The following HOXB3 variants were observed in gnomAD, a reference collection of about 807,000 sequenced individuals.
HOXB3 encodes homeobox protein Hox-B3.
Under a neutral mutation model 29.2 loss-of-function variants are expected in HOXB3, and 17 were observed. That is an observed-to-expected ratio of 0.58 (90% CI 0.40 to 0.87). The LOEUF (loss-of-function observed/expected upper bound fraction) is 0.87. Among genes scored for constraint, HOXB3 ranks in the 40% least tolerant of loss-of-function variants. HOXB3 has a pLI of 0.00. For synonymous variants in HOXB3, 317 were observed against 285.9 expected (o/e 1.11, Z -1.10); for missense variants, 637 against 616.3 (o/e 1.03, Z -0.35).
Position 48,550,799 on chromosome 17 carries a change from G to A in HOXB3, c.831C>T (p.Asn277=), listed in dbSNP as rs1464006754. ...QPMQSTAGFM[N]ALHSMTPSYE... Reference sequence around the variant, plus strand: ...AGCTGGGGGTCATGGAGTGTAAGGCGTTCATGAAGCCGGCCGTGGACTGCA... The same window carrying A: ...AGCTGGGGGTCATGGAGTGTAAGGCATTCATGAAGCCGGCCGTGGACTGCA... The change falls in exon 5 of 5, where the codon AAC becomes AAT. Residue 277 remains asparagine, a synonymous_variant. Transcript: ENST00000498678. The A allele has an allele frequency of 5.0e-6, 8 of 1,613,186 alleles. No individual in the cohort carries two copies. The highest frequency in any genetic ancestry group is 1.3e-5 in the African/African-American group (1 of 74,868).
At chr17:48,577,251 G>A (rs139308383) in intron 1 of HOXB3, among the ~76,000 whole-genome samples, 1 of 152,288 alleles carries the variant, frequency 6.6e-6, no homozygotes, top group African/African-American at 2.4e-5. Flanking sequence ...TGTGTGGTGG[G>A]GAAGGGGGGC....
chr17:48,552,533 C>A lies in HOXB3; in HGVS notation c.-59G>T. On this transcript the variant is annotated 5_prime_UTR_variant, in exon 4 of 5. Transcript: ENST00000498678. ...TGGAAAGGCCTGATACCCTCAGGAC[C>A]GGACATTGGCAACCCTGGGGGTCAC... 1 of 1,363,978 alleles carries A rather than the reference C, an allele frequency of 7.3e-7. No individual in the cohort carries two copies. The highest frequency in any genetic ancestry group is 1.0e-6 in the Non-Finnish European group (1 of 1,001,782). The allele number at this position is 1,363,978 out of a possible 1,614,324, so 84.5% of individuals were successfully genotyped here. A position where few individuals can be genotyped will look rare whatever the true frequency, so the allele number is the denominator to read the frequency against.
chr17:48,564,030 TC>T lies in HOXB3; in HGVS notation c.-246-8413del, dbSNP rs1169933577. On this transcript the variant is annotated intron_variant, in intron 2 of 4. Coordinates refer to ENST00000498678, the MANE Select transcript of HOXB3 (RefSeq NM_001384749.1). ...GCTCCACATTCCTCCACACTCGTCC[TC>T]CACCCCCAGGTCCCTTTACCCCCTT... Among the ~76,000 whole-genome samples, 3 of 150,540 alleles carry T rather than the reference TC, an allele frequency of 2.0e-5. No individual in the cohort carries two copies. In the East Asian group the frequency reaches 5.9e-4, roughly 30 times the overall value.
chr17:48,550,911 C>A lies in HOXB3; in HGVS notation c.719G>T (p.Arg240Leu), dbSNP rs1174990105. ...CTTCTGGTCCTTCTTGTACTTCATG[C>A]GCCGGTTCTGGAACCAGATCTTGAT... ...RQIKIWFQNR[R>L]MKYKKDQKAK... The change falls in exon 5 of 5, where the codon CGC (arginine) becomes CTC (leucine). Residue 240 changes from arginine (R) to leucine (L), a missense_variant. Coordinates refer to ENST00000498678, the MANE Select transcript of HOXB3 (RefSeq NM_001384749.1). 6.2e-7 allele frequency: 1 copy of A among 1,613,948 alleles called. No individual in the cohort carries two copies. The highest frequency in any genetic ancestry group is 8.5e-7 in the Non-Finnish European group (1 of 1,179,938).
intron 2 of HOXB3, among the ~76,000 whole-genome samples, chr17:48,571,086 T>C (rs1185305336): frequency 6.6e-6 from 1 of 152,180 alleles, no homozygotes; most frequent in African/African-American, 2.4e-5. Context: ...AAAATGACCA[T>C]ACTCTTTTCG....
In HOXB3 at chr17:48,551,138, GCCT is replaced by G; in HGVS notation, c.489_491del (p.Gly164del). ...CGCCACCGCCCCCGCTGCCACCACTGCCTCCGCCGCCGCCGCCACCGCCGCCGC... is the reference window on the plus strand; with the variant it reads ...CGCCACCGCCCCCGCTGCCACCACTGCCGCCGCCGCCGCCACCGCCGCCGC... On this transcript the variant is annotated inframe_deletion, in exon 5 of 5. Coordinates refer to ENST00000498678, the MANE Select transcript of HOXB3 (RefSeq NM_001384749.1). 1 of 1,316,460 alleles carries G rather than the reference GCCT, an allele frequency of 7.6e-7. No homozygotes were observed. The highest frequency in any genetic ancestry group is 9.7e-7 in the Non-Finnish European group (1 of 1,034,914). 81.5% of individuals were successfully genotyped at this position (1,316,460 alleles called of 1,614,324 possible).
At chr17:48,579,936 G>A (rs1047278362) in intron 1 of HOXB3, 2 of 516,280 alleles carry the variant, frequency 3.9e-6, no homozygotes, top group Non-Finnish European at 3.9e-6. Flanking sequence ...ATATACAGAA[G>A]ACAGACAGAT....
intron 2 of HOXB3, among the ~76,000 whole-genome samples, chr17:48,560,992 C>T (rs2069173084): frequency 6.6e-6 from 1 of 152,148 alleles, no homozygotes; most frequent in Non-Finnish European, 1.5e-5. Context: ...ACCAGCCTGA[C>T]CAACATGGCG....
chr17:48,589,670 T>C (rs983737104), intron 1 of HOXB3, among the ~76,000 whole-genome samples: 2 of 152,176 alleles, frequency 1.3e-5, no homozygotes, highest in African/African-American at 4.8e-5. Context: ...TCAGCTCAGA[T>C]GTATCCAGAT....
At chr17:48,581,466 CAGCTCCCT>C (rs2069934829) in intron 1 of HOXB3, 1 of 152,292 alleles carries the variant, frequency 6.6e-6, no homozygotes, top group Non-Finnish European at 1.5e-5. Flanking sequence ...GGATCCCCAC[CAGCTCCCT>C]AGCGTCAACC....
In HOXB3 at chr17:48,549,783, A is replaced by G. The variant is rs1190434520; in HGVS notation, c.*551T>C. 4 of 159,774 alleles carry G rather than the reference A, an allele frequency of 2.5e-5. No homozygotes were observed. The highest frequency in any genetic ancestry group is 9.7e-5 in the African/African-American group (4 of 41,444). The allele number at this position is 159,774 out of a possible 1,614,324, so 9.9% of individuals were successfully genotyped here. On this transcript the variant is annotated 3_prime_UTR_variant, in exon 5 of 5. Transcript: ENST00000498678. ...CAGAAAAACCGGGGGCTAGAAGTGT[A>G]CCTCAATAAACCTCAAATGGGAACA...
intron 1 of HOXB3, among the ~76,000 whole-genome samples, chr17:48,574,745 CT>C (rs1421633457): frequency 1.3e-5 from 2 of 152,168 alleles, no homozygotes; most frequent in East Asian, 3.9e-4. Flanking sequence ...CCCCTTTCCC[CT>C]ACCCCCACTC....
At chr17:48,558,640 G>A (rs1013261020) in intron 2 of HOXB3, among the ~76,000 whole-genome samples, 3 of 152,120 alleles carry the variant, frequency 2.0e-5, no homozygotes, top group African/African-American at 4.8e-5. Context: ...ACCCCTAAGG[G>A]CCCCTGTTTG....
Position 48,554,326 on chromosome 17 carries a change from A to G in HOXB3, c.-159+1205T>C. Reference sequence around the variant, plus strand: ...TGGCTTTATTTAGTCTGATTGTTACAGCAATAATAATGATGACGATGATGA... The same window carrying G: ...TGGCTTTATTTAGTCTGATTGTTACGGCAATAATAATGATGACGATGATGA... On this transcript the variant is annotated intron_variant, in intron 3 of 4. Coordinates refer to ENST00000498678, the MANE Select transcript of HOXB3 (RefSeq NM_001384749.1). This position sits in a 1 kb window ranked among gnomAD's most constrained non-coding sequence, Gnocchi z 4.1. 2.9e-6 allele frequency: 1 copy of G among 342,128 alleles called. No individual in the cohort carries two copies. The highest frequency in any genetic ancestry group is 5.4e-6 in the Non-Finnish European group (1 of 185,126). The allele number at this position is 342,128 out of a possible 1,614,324, so 21.2% of individuals were successfully genotyped here.
rs1008627308 is a variant in HOXB3, at chr17:48,554,681, G to A, written c.-159+850C>T. ...AGCAAGCGATCAGGACACCAAAACG[G>A]TTATCGGAGGCAGGTTCCCAGCACA... On this transcript the variant is annotated intron_variant, in intron 3 of 4. Coordinates refer to ENST00000498678, the MANE Select transcript of HOXB3 (RefSeq NM_001384749.1). The surrounding 1 kb of genome is among the most constrained non-coding windows in gnomAD (Gnocchi z 4.1). 1.4e-6 allele frequency: 1 copy of A among 702,230 alleles called. No homozygotes were observed. Among genetic ancestry groups the A allele is most frequent in the African/African-American group, 1.7e-5 (1 of 57,256 alleles). The allele number at this position is 702,230 out of a possible 1,614,324, so 43.5% of individuals were successfully genotyped here.
rs2069771011 is a variant in HOXB3, at chr17:48,576,614, A to AT, written c.-424-2601dup. On this transcript the variant is annotated intron_variant, in intron 1 of 4. Transcript: ENST00000498678. ...ATAAAGTGTGGGGGAGGGCAGATAG[A>AT]TTTTTCCGGGGCCCAGGCCCCAGGG... 7.9e-6 allele frequency: 8 copies of AT among 1,017,118 alleles called. No individual in the cohort carries two copies. In the East Asian group the frequency reaches 2.1e-4, roughly 27 times the overall value. The allele number at this position is 1,017,118 out of a possible 1,614,324, so 63.0% of individuals were successfully genotyped here.
chr17:48,576,776 TG>T, intron 1 of HOXB3: 2 of 1,613,838 alleles, frequency 1.2e-6, no homozygotes, highest in Non-Finnish European at 1.7e-6. Flanking sequence ...CGGCTGAGCC[TG>T]CCGCACCACC....
intron 4 of HOXB3, 136 bp from the exon 5 acceptor site, chr17:48,551,317 T>C: frequency 9.1e-7 from 1 of 1,094,786 alleles, no homozygotes; most frequent in Non-Finnish European, 1.1e-6. Flanking sequence ...CCCCTTCGGG[T>C]CCCCGCCGCC....
Position 48,552,494 on chromosome 17 carries a change from A to C in HOXB3, c.-20T>G. 18 of 1,539,212 alleles carry C rather than the reference A, an allele frequency of 1.2e-5. No individual in the cohort carries two copies. The highest frequency in any genetic ancestry group is 1.6e-5 in the Non-Finnish European group (18 of 1,139,662). On this transcript the variant is annotated 5_prime_UTR_variant, in exon 4 of 5. Transcript: ENST00000498678. ...CTGCATCGCTGGGTGAGGCCTGGGC[A>C]GTGGGTGGCAACTTGGAAAGGCCTG...
Sources: gnomAD v4.1 joint callset for allele counts (sites outside exome capture counted in the v4.1 genomes callset) on GRCh38, gnomAD v4.1.1 for gene constraint, Gnocchi (gnomAD v3.1) non-coding constraint, MANE v1.5 for transcripts, NCBI Gene and HGNC (gene_info 2026-07-23, HGNC 2026-07-21) for gene names.